CHFR: variants seen among roughly 807,000 people sequenced by gnomAD.
CHFR encodes the protein E3 ubiquitin-protein ligase CHFR.
In CHFR, 57 loss-of-function variants were observed where a neutral mutation model predicts 87.6. The observed-to-expected ratio is 0.65, with a 90% CI of 0.53 to 0.81. The LOEUF is 0.81. Among genes scored for constraint, CHFR ranks in the 30% least tolerant of loss-of-function variants. The pLI is 0.00. For synonymous variants in CHFR, 381 were observed against 359.2 expected (o/e 1.06, Z -0.69); for missense variants, 797 against 865.8 (o/e 0.92, Z 1.00).
At chr12:132,886,027 C>G (rs1220261785) in intron 2 of CHFR, among the ~76,000 whole-genome samples, 1 of 152,096 alleles carries the variant, frequency 6.6e-6, no homozygotes, top group African/African-American at 2.4e-5. Context: ...AAAAACAAAA[C>G]CAGGTCAGAC....
intron 5 of CHFR, 115 bp downstream of exon 5, chr12:132,870,609 G>A (rs12821502): frequency 0.28 from 177,894 of 641,618 alleles, 26,209 homozygotes; most frequent in Middle Eastern, 0.41. Context: ...GCAGTGAGCT[G>A]AGATCGCGCC....
At position 132,833,497 on chromosome 12, in the gene CHFR, C is replaced by G. The variant is rs372743888; in HGVS notation, c.*8057G>C. On this transcript the variant is annotated 3_prime_UTR_variant, in exon 18 of 18. Coordinates refer to ENST00000450056, the MANE Select transcript of CHFR (RefSeq NM_001161346.2). ...TTTCAGGCCGATGGTTGAGGGAGGA[C>G]TTCTCAGGAGAATGTGAGCCAACAA... The G allele has an allele frequency of 6.6e-6, 1 of 152,242 alleles. No homozygotes were observed. The highest frequency in any genetic ancestry group is 2.4e-5 in the African/African-American group (1 of 41,462). 9.4% of individuals were successfully genotyped at this position (152,242 alleles called of 1,614,324 possible). A position where few individuals can be genotyped will look rare whatever the true frequency, so the allele number is the denominator to read the frequency against.
chr12:132,873,864 C>T (rs1318443697), intron 3 of CHFR, among the ~76,000 whole-genome samples: 2 of 152,230 alleles, frequency 1.3e-5, no homozygotes, highest in African/African-American at 4.8e-5. Context: ...TTCACTCCTC[C>T]GCTTACACCC....
intron 6 of CHFR, chr12:132,862,022 C>G (rs1015474939): frequency 1.7e-4 from 35 of 210,824 alleles, no homozygotes; most frequent in Admixed American, 8.8e-4. Flanking sequence ...CCCGTAATCC[C>G]AGCACGTTGG....
intron 10 of CHFR, among the ~76,000 whole-genome samples, chr12:132,855,452 G>A (rs892059405): frequency 2.0e-5 from 3 of 151,568 alleles, no homozygotes; most frequent in Non-Finnish European, 1.5e-5. Flanking sequence ...GGATCACGAG[G>A]TCAGGAGATC....
rs889736424 is a variant in CHFR at position 132,887,242 on chromosome 12, C to A, written c.87G>T (p.Pro29=). The change falls in exon 2 of 18, where the codon CCG becomes CCT. Residue 29 remains proline, a synonymous_variant. Transcript: ENST00000450056. The stretch of plus-strand genomic sequence containing the variant: ...ACTCCCGCTTCCTCAGGAGGACGTG[C>A]GGCTCGCCCTCCTCCGCGCCCAGAC... ...LLRLGAEEGE[P]HVLLRKREWT... 1.3e-6 allele frequency: 2 copies of A among 1,503,608 alleles called. No individual in the cohort carries two copies. The highest frequency in any genetic ancestry group is 1.5e-5 in the African/African-American group (1 of 68,906). 93.1% of individuals were successfully genotyped at this position (1,503,608 alleles called of 1,614,324 possible). A position where few individuals can be genotyped will look rare whatever the true frequency, so the allele number is the denominator to read the frequency against.
At chr12:132,873,104 C>T (rs140233697) in intron 3 of CHFR, among the ~76,000 whole-genome samples, 2 of 152,308 alleles carry the variant, frequency 1.3e-5, no homozygotes, top group African/African-American at 2.4e-5. Flanking sequence ...CACAAAACGG[C>T]AACCGGGCAA....
At position 132,861,625 on chromosome 12, in the gene CHFR, C is replaced by A. The variant is rs777186106; in HGVS notation, c.593G>T (p.Gly198Val). 9.3e-6 allele frequency: 15 copies of A among 1,613,964 alleles called. No homozygotes were observed. The highest frequency in any genetic ancestry group is 1.0e-5 in the Non-Finnish European group (12 of 1,179,882). Reference protein sequence around the residue: ...RERSSSCGSGGGGISPKGSGP... With the variant: ...RERSSSCGSGVGGISPKGSGP... ...ACTTCCTTTAGGGGAGATGCCACCA[C>A]CCCCAGACCCTGTGAGAGGAATCAA... The change falls in exon 7 of 18, where the codon GGT becomes GTT. Residue 198 changes from glycine (G) to valine (V), a missense_variant. By Grantham distance (109) the Gly-to-Val change is moderately radical. Transcript: ENST00000450056.
chr12:132,853,444 G>A lies in CHFR; in HGVS notation c.1359C>T (p.Val453=). 2.6e-6 allele frequency: 4 copies of A among 1,524,910 alleles called. No homozygotes were observed. The highest frequency in any genetic ancestry group is 2.4e-5 in the Admixed American group (1 of 42,488). 94.5% of individuals were successfully genotyped at this position (1,524,910 alleles called of 1,614,324 possible). A position where few individuals can be genotyped will look rare whatever the true frequency, so the allele number is the denominator to read the frequency against. The stretch of plus-strand genomic sequence containing the variant: ...GGCGCGGCTCACCTGTCGTCAGGCT[G>A]ACGGACGTGGAGGGTGCATCCCCCA... ...QALGDAPSTS[V]SLTTAVQDYV... The change falls in exon 11 of 18, where the codon GTC becomes GTT. Residue 453 remains valine (V), a synonymous_variant. Transcript: ENST00000450056.
intron 14 of CHFR, 191 bp downstream of exon 14, chr12:132,847,894 A>G: frequency 7.0e-7 from 1 of 1,430,790 alleles, no homozygotes; most frequent in Non-Finnish European, 9.1e-7. Flanking sequence ...TGGAATACGG[A>G]AAAAACAGAC....
chr12:132,860,613 A>G (rs1184738647), intron 7 of CHFR, among the ~76,000 whole-genome samples: 1 of 152,228 alleles, frequency 6.6e-6, no homozygotes, highest in Admixed American at 6.5e-5. Flanking sequence ...CAATGCTTCT[A>G]CCATAACATT....
rs1383169442 is a variant in CHFR at position 132,839,892 on chromosome 12, C to T, written c.*1662G>A. The T allele has an allele frequency of 9.9e-5, 4 of 40,476 alleles. No homozygotes were observed. Among genetic ancestry groups the T allele is most frequent in the Non-Finnish European group, 2.1e-4 (4 of 19,070 alleles). The allele number at this position is 40,476 out of a possible 1,614,324, so 2.5% of individuals were successfully genotyped here. ...TGCACTAACTTGGGACCTCCCTGCT[C>T]AGCCTCACCCCTGCACAAACTTGGG... On this transcript the variant is annotated 3_prime_UTR_variant, in exon 18 of 18. Coordinates refer to ENST00000450056, the MANE Select transcript of CHFR (RefSeq NM_001161346.2).
rs1271406239 is a variant in CHFR at position 132,859,358 on chromosome 12, T to C, written c.752-131A>G. 8 of 703,008 alleles carry C rather than the reference T, an allele frequency of 1.1e-5. 1 individual carries two copies. In the East Asian group the frequency reaches 2.8e-4, roughly 25 times the overall value. 43.5% of individuals were successfully genotyped at this position (703,008 alleles called of 1,614,324 possible). On this transcript the variant is annotated intron_variant, in intron 7 of 17. Transcript: ENST00000450056. ...AACCGAGAAGGAAATACATGCAGTC[T>C]TTTTTTTTTCGAGACAGAGTCTCGC...
At chr12:132,874,043 C>A (rs1300492926) in intron 3 of CHFR, among the ~76,000 whole-genome samples, 2 of 152,182 alleles carry the variant, frequency 1.3e-5, no homozygotes, top group Non-Finnish European at 2.9e-5. Context: ...TGCCAAGGAA[C>A]GTGGCACCTC....
At chr12:132,883,681 C>G (rs1190302157) in intron 2 of CHFR, among the ~76,000 whole-genome samples, 1 of 152,168 alleles carries the variant, frequency 6.6e-6, no homozygotes, top group Non-Finnish European at 1.5e-5. Flanking sequence ...GAGCCGAGAT[C>G]GTGCCACTGC....
rs771994478 is a variant in CHFR at position 132,839,750 on chromosome 12, C to T, written c.*1804G>A. The T allele has an allele frequency of 5.4e-5, 9 of 167,302 alleles. No individual in the cohort carries two copies. Among genetic ancestry groups the T allele is most frequent in the Non-Finnish European group, 7.8e-5 (6 of 77,352 alleles). The allele number at this position is 167,302 out of a possible 1,614,324, so 10.4% of individuals were successfully genotyped here. A position where few individuals can be genotyped will look rare whatever the true frequency, so the allele number is the denominator to read the frequency against. ...AACGTGCAAACTCCCCTTTTGGCTT[C>T]ATCCATGCACAAACTTGGGACCTCC... On this transcript the variant is annotated 3_prime_UTR_variant, in exon 18 of 18. Transcript: ENST00000450056.
chr12:132,855,242 GAA>G (rs35090182), intron 10 of CHFR, among the ~76,000 whole-genome samples: 62 of 126,302 alleles, frequency 4.9e-4, no homozygotes, highest in Non-Finnish European at 5.1e-4. Flanking sequence ...ACTTTGTCTC[GAA>G]AAAAAAAAAA....
rs1950673007 is a variant in CHFR at position 132,839,418 on chromosome 12, TCGGC to T, written c.*2132_*2135del. On this transcript the variant is annotated 3_prime_UTR_variant, in exon 18 of 18. Transcript: ENST00000450056. ...CCCTGCACAAACTTGCAACCTCCCC[TCGGC>T]CTCACCCCTGCACAAACTTGGGACC... 1 of 133,778 alleles carries T rather than the reference TCGGC, an allele frequency of 7.5e-6. No individual in the cohort carries two copies. 8.3% of individuals were successfully genotyped at this position (133,778 alleles called of 1,614,324 possible).
intron 10 of CHFR, among the ~76,000 whole-genome samples, chr12:132,856,192 G>A (rs987929881): frequency 6.6e-6 from 1 of 152,208 alleles, no homozygotes; most frequent in African/African-American, 2.4e-5. Flanking sequence ...TCAGCCGAGG[G>A]TGCAAATGTC....
Sources: allele counts gnomAD v4.1 joint callset (sites outside exome capture counted in the v4.1 genomes callset), GRCh38; gene constraint gnomAD v4.1.1; transcripts MANE v1.5; gene names NCBI Gene and HGNC (gene_info 2026-07-23, HGNC 2026-07-21).